BICRAL: variants seen among roughly 807,000 people sequenced by gnomAD.
BICRAL encodes the protein BRD4-interacting chromatin-remodeling complex-associated protein-like.
BICRAL carries 8 observed loss-of-function variants against 91.8 expected under a neutral mutation model. The ratio of observed to expected loss-of-function variants is 0.09; its 90% confidence interval spans 0.05 to 0.16. The LOEUF (loss-of-function observed/expected upper bound fraction) is 0.16. Ranked by LOEUF, BICRAL falls within the 10% of genes least tolerant of loss-of-function variation. The probability of loss-of-function intolerance (pLI) is 1.00; values close to 1 mark genes in which losing one functional copy is unlikely to be tolerated. For missense variants in BICRAL, 1,038 were observed against 1,310.9 expected (o/e 0.79, Z 3.21); for synonymous variants, 445 against 491.1 (o/e 0.91, Z 1.24).
intron 1 of BICRAL, among the ~76,000 whole-genome samples, chr6:42,790,684 C>G (rs1763246111): frequency 6.6e-6 from 1 of 151,924 alleles, no homozygotes; most frequent in African/African-American, 2.4e-5. Context: ...AAATAGCTGT[C>G]TACATTCTTC....
At chr6:42,786,447 G>A (rs567072017) in intron 1 of BICRAL, among the ~76,000 whole-genome samples, 9 of 150,950 alleles carry the variant, frequency 6.0e-5, no homozygotes, top group Middle Eastern at 3.4e-3. Flanking sequence ...TATAATCTTT[G>A]ACTAGACTAA....
intron 1 of BICRAL, among the ~76,000 whole-genome samples, chr6:42,786,479 A>C (rs1562460759): frequency 8.5e-6 from 1 of 117,232 alleles, no homozygotes; most frequent in African/African-American, 4.4e-5. Context: ...GCTTGAAAGG[A>C]GGGGGAAATC....
At chr6:42,793,905 A>G (rs1763347769) in intron 1 of BICRAL, among the ~76,000 whole-genome samples, 1 of 149,848 alleles carries the variant, frequency 6.7e-6, no homozygotes, top group East Asian at 2.0e-4. Flanking sequence ...TAATTTTTGT[A>G]TTTTTGTAGA....
chr6:42,837,314 C>T (rs1038466054), intron 6 of BICRAL, among the ~76,000 whole-genome samples: 6 of 151,904 alleles, frequency 3.9e-5, no homozygotes, highest in Middle Eastern at 3.2e-3. Context: ...ATATAATTAC[C>T]GAAGGCTTTT....
chr6:42,826,375 C>G (rs184584912), intron 5 of BICRAL, among the ~76,000 whole-genome samples: 1 of 151,622 alleles, frequency 6.6e-6, no homozygotes, highest in Non-Finnish European at 1.5e-5. Flanking sequence ...GCTGGTATTA[C>G]AGGCGTGTGT....
At chr6:42,746,765 A>G (rs1424131536), upstream of BICRAL, among the ~76,000 whole-genome samples, 1 of 151,544 alleles carries the variant, frequency 6.6e-6, no homozygotes. Flanking sequence ...GGGCTCCTGG[A>G]TCCCCGCAGG....
chr6:42,806,440 C>T (rs756825613), intron 1 of BICRAL, among the ~76,000 whole-genome samples: 3 of 152,016 alleles, frequency 2.0e-5, no homozygotes, highest in Non-Finnish European at 4.4e-5. Context: ...CTTGACCTTC[C>T]GGCTCAAGCA....
chr6:42,810,794 A>T (rs1330127785), intron 2 of BICRAL, among the ~76,000 whole-genome samples: 1 of 152,208 alleles, frequency 6.6e-6, no homozygotes, highest in Non-Finnish European at 1.5e-5. Context: ...ATGAATAATG[A>T]ATATTCTTTA....
intron 1 of BICRAL, among the ~76,000 whole-genome samples, chr6:42,802,805 T>G (rs1763615113): frequency 6.6e-6 from 1 of 152,126 alleles, no homozygotes; most frequent in African/African-American, 2.4e-5. Context: ...GGTCTTGAAC[T>G]CATGCACATA....
At chr6:42,838,806 C>A (rs189712072) in intron 6 of BICRAL, among the ~76,000 whole-genome samples, 1 of 152,110 alleles carries the variant, frequency 6.6e-6, no homozygotes, top group East Asian at 1.9e-4. Context: ...ACTAAAAATA[C>A]AAAAATTAGC....
chr6:42,773,148 G>A (rs370934216), intron 1 of BICRAL, among the ~76,000 whole-genome samples: 7 of 150,092 alleles, frequency 4.7e-5, no homozygotes, highest in South Asian at 2.1e-4. Flanking sequence ...GCACGATCTC[G>A]GCTCACTGCA....
chr6:42,794,737 C>T (rs1183437836), intron 1 of BICRAL, among the ~76,000 whole-genome samples: 2 of 149,134 alleles, frequency 1.3e-5, no homozygotes, highest in Non-Finnish European at 1.5e-5. Flanking sequence ...TCACTTGAGG[C>T]CAGGAGTTCG....
chr6:42,781,373 A>G (rs1762898264), upstream of BICRAL, among the ~76,000 whole-genome samples: 1 of 152,000 alleles, frequency 6.6e-6, no homozygotes, highest in African/African-American at 2.4e-5. Flanking sequence ...TGGAATGGAC[A>G]AAGAGTGTTG....
intron 5 of BICRAL, among the ~76,000 whole-genome samples, chr6:42,827,289 G>A (rs181008685): frequency 1.3e-5 from 2 of 152,274 alleles, no homozygotes; most frequent in Admixed American, 1.3e-4. Context: ...TAATAGTCAC[G>A]TGTGTGTAAG....
At chr6:42,782,727 G>A (rs1762955232) in intron 1 of BICRAL, among the ~76,000 whole-genome samples, 1 of 151,652 alleles carries the variant, frequency 6.6e-6, no homozygotes, top group African/African-American at 2.4e-5. Flanking sequence ...GTGTGAGTGT[G>A]TTTTCCGCCC....
At chr6:42,773,689 A>G (rs60879448) in intron 1 of BICRAL, among the ~76,000 whole-genome samples, 29,914 of 151,382 alleles carry the variant, frequency 0.2, 3,345 homozygotes, top group East Asian at 0.3. Flanking sequence ...TAATTTTTGT[A>G]TTTTTAGTAG....
intron 1 of BICRAL, among the ~76,000 whole-genome samples, chr6:42,797,664 T>C (rs1763451604): frequency 6.6e-6 from 1 of 152,144 alleles, no homozygotes; most frequent in Non-Finnish European, 1.5e-5. Context: ...CAGCTATCAC[T>C]GTTTTTTTAA....
Position 42,822,072 on chromosome 6 carries a change from C to T in BICRAL, c.41+9C>T, listed in dbSNP as rs113614499. The T allele has an allele frequency of 6.3e-7, 1 of 1,582,016 alleles. No individual in the cohort carries two copies. Among genetic ancestry groups the T allele is most frequent in the Non-Finnish European group, 8.7e-7 (1 of 1,151,514 alleles). On this transcript the variant is annotated intron_variant, in intron 3 of 12. Coordinates refer to ENST00000314073, the MANE Select transcript of BICRAL (RefSeq NM_001393499.1). The stretch of plus-strand genomic sequence containing the variant: ...CTCCTTGATCTTATTGGGTAAGATG[C>T]TTATTCCAAAACCTGGGTAAATCAA...
upstream of BICRAL, among the ~76,000 whole-genome samples, chr6:42,779,529 A>C (rs1646908000): frequency 6.6e-6 from 1 of 152,170 alleles, no homozygotes; most frequent in African/African-American, 2.4e-5. Context: ...CCTTGGCTGC[A>C]TTTGAAGCAA....
Sources: allele counts gnomAD v4.1 joint callset (sites outside exome capture counted in the v4.1 genomes callset), GRCh38; gene constraint gnomAD v4.1.1; transcripts MANE v1.5; gene names NCBI Gene and HGNC (gene_info 2026-07-23, HGNC 2026-07-21).